Variants in DEUP1 observed in about 807,000 individuals in gnomAD.
DEUP1 encodes deuterosome assembly protein 1.
Under a neutral mutation model 87.4 loss-of-function variants are expected in DEUP1, and 82 were observed. The ratio of observed to expected loss-of-function variants is 0.94; its 90% CI spans 0.78 to 1.13. DEUP1 has a LOEUF of 1.13. DEUP1 is among the 50% of genes most tolerant of loss of function. The probability of loss-of-function intolerance (pLI) is 0.00; values close to 1 mark genes in which losing one functional copy is unlikely to be tolerated. For synonymous variants in DEUP1, 214 were observed against 222.7 expected, an observed-to-expected ratio of 0.96 and a Z score of 0.35; for missense variants, 663 against 681.5, an observed-to-expected ratio of 0.97 and a Z score of 0.30.
intron 11 of DEUP1, among the ~76,000 whole-genome samples, chr11:93,398,575 G>C (rs1024382774): frequency 2.0e-5 from 3 of 152,094 alleles, no homozygotes; most frequent in Non-Finnish European, 2.9e-5. Flanking sequence ...TGGTTATAAA[G>C]TAATTTCTCA....
chr11:93,353,980 C>T (rs930696204), intron 2 of DEUP1, among the ~76,000 whole-genome samples: 2 of 152,226 alleles, frequency 1.3e-5, no homozygotes, highest in African/African-American at 4.8e-5. Flanking sequence ...ATGCAAATTT[C>T]TGCAGCTGGT....
intron 2 of DEUP1, among the ~76,000 whole-genome samples, chr11:93,350,644 T>C (rs1210217793): frequency 3.9e-5 from 6 of 152,048 alleles, no homozygotes; most frequent in African/African-American, 1.4e-4. Context: ...GATAGATGAT[T>C]CTCTTAAGAA....
In DEUP1 at chr11:93,396,055, C is replaced by T. The variant is rs1431164079; in HGVS notation, c.1240-184C>T. On this transcript the variant is annotated intron_variant, in intron 10 of 13. Coordinates refer to ENST00000298050, the MANE Select transcript of DEUP1 (RefSeq NM_181645.4). ...TAGTTTAGCATTGATCAGAAAAAGA[C>T]GTAAAGTGGTGCCTGCCAAAGACAG... 6.6e-5 allele frequency among the ~76,000 whole-genome samples: 10 copies of T among 152,050 alleles called. No homozygotes were observed. The East Asian group carries it at 1.9e-3, about 29-fold the overall frequency.
intron 12 of DEUP1, among the ~76,000 whole-genome samples, chr11:93,412,910 T>TA (rs558821098): frequency 6.1e-5 from 9 of 148,704 alleles, no homozygotes; most frequent in South Asian, 2.1e-4. Flanking sequence ...GGAGAATGAG[T>TA]AAAAAAAAAA....
intron 12 of DEUP1, 55 bp from the exon 13 acceptor site, chr11:93,414,941 CTACA>C (rs1565345143): frequency 4.3e-6 from 4 of 937,000 alleles, no homozygotes; most frequent in Non-Finnish European, 4.6e-6. Flanking sequence ...AAATCCTTAG[CTACA>C]TAAATAAACA....
At chr11:93,400,359 C>A (rs1288959402) in intron 11 of DEUP1, among the ~76,000 whole-genome samples, 2 of 152,132 alleles carry the variant, frequency 1.3e-5, no homozygotes, top group African/African-American at 4.8e-5. Flanking sequence ...CAATTGTTGG[C>A]ATTCCTTGAC....
intron 2 of DEUP1, among the ~76,000 whole-genome samples, chr11:93,340,531 A>G (rs1944014394): frequency 6.6e-6 from 1 of 152,188 alleles, no homozygotes; most frequent in Non-Finnish European, 1.5e-5. Context: ...TGAGCAAGGG[A>G]GTGACATTTT....
chr11:93,351,693 TTTTAAGTAAAAA>T (rs935072039), intron 2 of DEUP1, among the ~76,000 whole-genome samples: 16 of 152,180 alleles, frequency 1.1e-4, no homozygotes, highest in African/African-American at 3.1e-4. Context: ...TTATTTTAGG[TTTTAAGTAAAAA>T]TTGAAAGCCT....
At chr11:93,406,479 CTAAA>C (rs74797889) in intron 11 of DEUP1, among the ~76,000 whole-genome samples, 36,920 of 151,100 alleles carry the variant, frequency 0.24, 4,891 homozygotes, top group Middle Eastern at 0.38. Flanking sequence ...TACCAAATAA[CTAAA>C]TAATTAAATG....
In DEUP1 at chr11:93,437,176, T is replaced by C. The variant is rs1427808448; in HGVS notation, c.1639-367T>C. Among the ~76,000 whole-genome samples the C allele has an allele frequency of 2.0e-5, 3 of 152,268 alleles. No individual in the cohort carries two copies. In the East Asian group the frequency reaches 5.8e-4, roughly 29 times the overall value. The stretch of plus-strand genomic sequence containing the variant: ...TAAACTGTCTAGTGCAATTCCACTA[T>C]AATCTTTACTTTAGCTTTTTGGAGT... On this transcript the variant is annotated intron_variant, in intron 13 of 13. Coordinates refer to ENST00000298050, the MANE Select transcript of DEUP1 (RefSeq NM_181645.4).
At chr11:93,420,655 G>T (rs1227478680) in intron 13 of DEUP1, among the ~76,000 whole-genome samples, 19 of 146,282 alleles carry the variant, frequency 1.3e-4, no homozygotes, top group African/African-American at 4.1e-4. Flanking sequence ...ATTGTATATC[G>T]AGAAAACCCC....
At chr11:93,382,616 G>A (rs1010748944) in intron 7 of DEUP1, among the ~76,000 whole-genome samples, 3 of 152,148 alleles carry the variant, frequency 2.0e-5, no homozygotes, top group Admixed American at 6.5e-5. Context: ...TAAGGTTAGA[G>A]CTTTTTGTGG....
intron 7 of DEUP1, among the ~76,000 whole-genome samples, chr11:93,379,170 G>A (rs1946183349): frequency 6.6e-6 from 1 of 152,106 alleles, no homozygotes; most frequent in Non-Finnish European, 1.5e-5. Context: ...GGATCCAAGA[G>A]CGGCCCTTTT....
intron 5 of DEUP1, among the ~76,000 whole-genome samples, chr11:93,369,520 A>C (rs979969877): frequency 1.3e-5 from 2 of 152,162 alleles, no homozygotes; most frequent in Non-Finnish European, 1.5e-5. Context: ...CAGACTTTTT[A>C]CATTTTTAAC....
intron 8 of DEUP1, among the ~76,000 whole-genome samples, chr11:93,386,576 G>A (rs1005026816): frequency 6.6e-6 from 1 of 152,136 alleles, no homozygotes; most frequent in African/African-American, 2.4e-5. Context: ...TTTCTTCAAA[G>A]TTGTGAGACC....
Position 93,414,253 on chromosome 11 carries a change from C to A in DEUP1, c.1524-747C>A, listed in dbSNP as rs186875595. Among the ~76,000 whole-genome samples the A allele has an allele frequency of 2.5e-3, 383 of 152,298 alleles. 2 individuals carry two copies. The highest frequency in any genetic ancestry group is 4.3e-3 in the Non-Finnish European group (291 of 68,026). ...TTGGCTGGGCGCACGGTGACTCATG[C>A]CTGTAATCCCAGCACTTTGGGAGGC... On this transcript the variant is annotated intron_variant, in intron 12 of 13. Transcript: ENST00000298050.
intron 5 of DEUP1, among the ~76,000 whole-genome samples, chr11:93,365,092 C>T (rs1945349521): frequency 6.6e-6 from 1 of 152,038 alleles, no homozygotes; most frequent in South Asian, 2.1e-4. Context: ...TGTTATCCCA[C>T]TTAATTTCTT....
intron 2 of DEUP1, among the ~76,000 whole-genome samples, chr11:93,336,031 T>G (rs1943744490): frequency 6.6e-6 from 1 of 152,174 alleles, no homozygotes; most frequent in Admixed American, 6.5e-5. Flanking sequence ...GAGAATCATT[T>G]GAACCCGGGA....
At chr11:93,362,102 C>G (rs1304602666) in intron 4 of DEUP1, among the ~76,000 whole-genome samples, 1 of 151,934 alleles carries the variant, frequency 6.6e-6, no homozygotes, top group Non-Finnish European at 1.5e-5. Context: ...AAACCTAAAT[C>G]TAAAAAGCTC....
Sources: gnomAD v4.1 joint callset for allele counts (sites outside exome capture counted in the v4.1 genomes callset) on GRCh38, gnomAD v4.1.1 for gene constraint, MANE v1.5 for transcripts, NCBI Gene and HGNC (gene_info 2026-07-23, HGNC 2026-07-21) for gene names.